CTTNBP2: variants seen among roughly 807,000 people sequenced by gnomAD.
CTTNBP2 encodes cortactin binding protein 2, also known as cortactin-binding protein 2.
In CTTNBP2, 108 loss-of-function variants were observed where a neutral mutation model predicts 156.9. The observed-to-expected ratio is 0.69, with a 90% confidence interval of 0.59 to 0.81. The LOEUF (loss-of-function observed/expected upper bound fraction) is 0.81, where lower values mean the gene tolerates loss of function less well. CTTNBP2 is among the 30% of genes least tolerant of loss of function. The pLI is 0.00. For synonymous variants in CTTNBP2, 767 were observed against 751.8 expected, an observed-to-expected ratio of 1.02 and a Z score of -0.33; for missense variants, 1,924 against 2,035.4, an observed-to-expected ratio of 0.95 and a Z score of 1.05.
rs1796612422 is a variant in CTTNBP2, at chr7:117,751,400, C to T, written c.3348+5155G>A. 2.0e-5 allele frequency among the ~76,000 whole-genome samples: 3 copies of T among 152,156 alleles called. No homozygotes were observed. In the South Asian group the frequency reaches 6.2e-4, roughly 31 times the overall value. ...GAAAAATAAAAGGGCATTATGGAGC[C>T]AATAAAATTGGGACCGTTAAAATCA... On this transcript the variant is annotated intron_variant, in intron 12 of 22. Transcript: ENST00000160373.
intron 4 of CTTNBP2, among the ~76,000 whole-genome samples, chr7:117,789,327 A>AT (rs1040615602): frequency 6.6e-6 from 1 of 151,948 alleles, no homozygotes; most frequent in Non-Finnish European, 1.5e-5. Flanking sequence ...ATGGCTTTGT[A>AT]TTTTTTTTAA....
At chr7:117,805,198 T>TG (rs1206864111) in intron 3 of CTTNBP2, among the ~76,000 whole-genome samples, 1 of 152,214 alleles carries the variant, frequency 6.6e-6, no homozygotes, top group Admixed American at 6.5e-5. Context: ...TGTAGAGCTA[T>TG]GGGGGAATAC....
chr7:117,744,678 G>T (rs1282599421), intron 14 of CTTNBP2, among the ~76,000 whole-genome samples: 1 of 152,198 alleles, frequency 6.6e-6, no homozygotes, highest in East Asian at 1.9e-4. Context: ...TTGAGCTCAG[G>T]AGTTCAAGAC....
chr7:117,817,349 A>AT (rs1318370287), intron 2 of CTTNBP2, among the ~76,000 whole-genome samples: 3 of 74,030 alleles, frequency 4.1e-5, no homozygotes, highest in African/African-American at 1.1e-4. Flanking sequence ...AAAAAAAAAA[A>AT]AAAAAAAAAA....
Position 117,725,264 on chromosome 7 carries a change from G to A in CTTNBP2, c.4056-7C>T. ...CCACAGCTTAGACATCCACCTAGCAGGAGAGGGACCGATTCATCCCTTAGG... is the reference window on the plus strand; with the variant it reads ...CCACAGCTTAGACATCCACCTAGCAAGAGAGGGACCGATTCATCCCTTAGG... On this transcript the variant is annotated splice_region_variant and splice_polypyrimidine_tract_variant and intron_variant, in intron 17 of 22. Coordinates refer to ENST00000160373, the MANE Select transcript of CTTNBP2 (RefSeq NM_033427.3). The A allele has an allele frequency of 6.2e-7, 1 of 1,613,416 alleles. No homozygotes were observed. Among genetic ancestry groups the A allele is most frequent in the Non-Finnish European group, 8.5e-7 (1 of 1,179,350 alleles).
chr7:117,745,912 C>G lies in CTTNBP2; in HGVS notation c.3454G>C (p.Gly1152Arg). The change falls in exon 14 of 23, where the codon GGA becomes CGA. Residue 1152 changes from glycine (G) to arginine (R), a missense_variant. Physicochemically the swap from Gly to Arg is moderately radical, Grantham distance 125. Coordinates refer to ENST00000160373, the MANE Select transcript of CTTNBP2 (RefSeq NM_033427.3). ...GCTCTCACTATTTCACAGGAGAATC[C>G]TGCAGCCATTTGTCTGTGCTGTGAT... ...LCLKHRQMAA[G>R]FSCEIVRAEV... 6.2e-7 allele frequency: 1 copy of G among 1,614,096 alleles called. No homozygotes were observed. Among genetic ancestry groups the G allele is most frequent in the Non-Finnish European group, 8.5e-7 (1 of 1,179,972 alleles).
intron 8 of CTTNBP2, among the ~76,000 whole-genome samples, chr7:117,776,497 C>A (rs1214823370): frequency 6.6e-6 from 1 of 152,154 alleles, no homozygotes; most frequent in Non-Finnish European, 1.5e-5. Context: ...GTCCTTATTT[C>A]TCACTACTCT....
chr7:117,791,435 A>G lies in CTTNBP2; in HGVS notation c.1761T>C (p.Thr587=), dbSNP rs1799002339. ...TGTTCCCTTGTGGCAAACTGGAAGG[A>G]GTCGAAGCCACAGTTTTGTTATCAA... ...AKVDNKTVAS[T]PSSLPQGNRV... The change falls in exon 4 of 23, where the codon ACT becomes ACC. Residue 587 remains threonine (T), a synonymous_variant. Coordinates refer to ENST00000160373, the MANE Select transcript of CTTNBP2 (RefSeq NM_033427.3). The G allele has an allele frequency of 6.2e-7, 1 of 1,614,212 alleles. No homozygotes were observed.
chr7:117,718,891 T>C (rs747164887), intron 21 of CTTNBP2, among the ~76,000 whole-genome samples: 5 of 152,178 alleles, frequency 3.3e-5, no homozygotes, highest in Non-Finnish European at 7.3e-5. Flanking sequence ...AACTCAAATT[T>C]AGGCTTATAT....
rs528691596 is a variant in CTTNBP2 at position 117,850,725 on chromosome 7, T to G, written c.189+10484A>C. Among the ~76,000 whole-genome samples, 10 of 152,300 alleles carry G rather than the reference T, an allele frequency of 6.6e-5. No individual in the cohort carries two copies. The South Asian group carries it at 2.1e-3, about 32-fold the overall frequency. The stretch of plus-strand genomic sequence containing the variant: ...TTATTACACAGCCCTCCACAGTGGG[T>G]CTAAGAAAAATACCATATCAGTCAT... On this transcript the variant is annotated intron_variant, in intron 2 of 22. Coordinates refer to ENST00000160373, the MANE Select transcript of CTTNBP2 (RefSeq NM_033427.3).
intron 14 of CTTNBP2, among the ~76,000 whole-genome samples, chr7:117,743,085 C>T (rs1418361351): frequency 6.6e-6 from 1 of 152,226 alleles, no homozygotes; most frequent in African/African-American, 2.4e-5. Flanking sequence ...ACTCTCCAAA[C>T]TGGGAAATTA....
At chr7:117,733,778 C>T (rs541478660) in intron 16 of CTTNBP2, among the ~76,000 whole-genome samples, 14 of 152,242 alleles carry the variant, frequency 9.2e-5, no homozygotes, top group Admixed American at 2.0e-4. Flanking sequence ...CACTTCTCCC[C>T]GCCACCATCT....
At chr7:117,796,125 T>C (rs1042562480) in intron 3 of CTTNBP2, among the ~76,000 whole-genome samples, 32 of 152,206 alleles carry the variant, frequency 2.1e-4, no homozygotes, top group African/African-American at 5.8e-4. Context: ...CACCAATCTA[T>C]ATTTCCTTCC....
rs1466596167 is a variant in CTTNBP2 at position 117,792,407 on chromosome 7, C to T, written c.789G>A (p.Arg263=). ...CCCTTTTCAGTTGCTCAATCATTTT[C>T]CTCATCTTGTCTATCTCCTCTTTGA... ...TDLKEEIDKM[R]KMIEQLKRGS... is the part of the protein sequence containing the mutation. The change falls in exon 4 of 23, where the codon AGG becomes AGA. Residue 263 remains arginine, a synonymous_variant. Coordinates refer to ENST00000160373, the MANE Select transcript of CTTNBP2 (RefSeq NM_033427.3). The surrounding 1 kb of genome is among the most constrained non-coding windows in gnomAD (Gnocchi z 4.2). 2 of 1,614,004 alleles carry T rather than the reference C, an allele frequency of 1.2e-6. No individual in the cohort carries two copies. Among genetic ancestry groups the T allele is most frequent in the Admixed American group, 1.7e-5 (1 of 59,996 alleles).
At chr7:117,849,465 CAT>C (rs1178951631) in intron 2 of CTTNBP2, among the ~76,000 whole-genome samples, 14 of 152,270 alleles carry the variant, frequency 9.2e-5, no homozygotes, top group Middle Eastern at 3.4e-3. Flanking sequence ...AGCCTCAGAT[CAT>C]TCCATTTTCC....
chr7:117,768,788 A>G (rs1797653820), intron 8 of CTTNBP2, among the ~76,000 whole-genome samples: 1 of 152,160 alleles, frequency 6.6e-6, no homozygotes, highest in Non-Finnish European at 1.5e-5. Context: ...TGTGAACTCT[A>G]TATAAATGGA....
At chr7:117,764,050 A>AC (rs1339504148) in intron 9 of CTTNBP2, among the ~76,000 whole-genome samples, 1 of 151,626 alleles carries the variant, frequency 6.6e-6, no homozygotes, top group African/African-American at 2.4e-5. Flanking sequence ...TTGAACCATG[A>AC]CCCTGTTCTC....
Position 117,725,147 on chromosome 7 carries a change from C to A in CTTNBP2, c.4166G>T (p.Arg1389Ile). 1 of 1,613,664 alleles carries A rather than the reference C, an allele frequency of 6.2e-7. No individual in the cohort carries two copies. Among genetic ancestry groups the A allele is most frequent in the Non-Finnish European group, 8.5e-7 (1 of 1,180,024 alleles). The change falls in exon 18 of 23, where the codon AGA becomes ATA. Residue 1389 changes from arginine (R) to isoleucine (I), a missense_variant. Transcript: ENST00000160373. Reference protein sequence around the residue: ...QPGFGQTTAKRHPSQGQQAVV... With the variant: ...QPGFGQTTAKIHPSQGQQAVV... ...AGCCTGCTGTCCTTGGCTAGGGTGT[C>A]TTTTAGCAGTTGTCTGCCCAAAGCC...
At chr7:117,795,543 C>T (rs1799269771) in intron 3 of CTTNBP2, among the ~76,000 whole-genome samples, 2 of 152,162 alleles carry the variant, frequency 1.3e-5, no homozygotes, top group African/African-American at 4.8e-5. Context: ...TGTCATCCAG[C>T]TAATGAGTGT....
Sources: gnomAD v4.1 joint callset for allele counts (sites outside exome capture counted in the v4.1 genomes callset) on GRCh38, gnomAD v4.1.1 for gene constraint, Gnocchi (gnomAD v3.1) non-coding constraint, MANE v1.5 for transcripts, NCBI Gene and HGNC (gene_info 2026-07-23, HGNC 2026-07-21) for gene names.